ZCCHC24: variants seen among roughly 807,000 people sequenced by gnomAD.
ZCCHC24 encodes zinc finger CCHC domain-containing protein 24.
In ZCCHC24, 10 loss-of-function variants were observed where a neutral mutation model predicts 26.2. That is an observed-to-expected ratio of 0.38 (90% CI 0.24 to 0.65). The LOEUF is 0.65. ZCCHC24 is among the 30% of genes least tolerant of loss of function. The pLI is 0.54. For synonymous variants in ZCCHC24, 144 were observed against 147.1 expected (o/e 0.98, Z 0.15); for missense variants, 243 against 329.1 (o/e 0.74, Z 2.03).
chr10:79,412,387 G>A (rs1030506909), intron 2 of ZCCHC24, among the ~76,000 whole-genome samples: 4 of 152,236 alleles, frequency 2.6e-5, no homozygotes, highest in African/African-American at 9.6e-5. Flanking sequence ...GGTGAGGGGC[G>A]GACATGCCCG....
At chr10:79,435,714 G>GT (rs1857207096) in intron 1 of ZCCHC24, among the ~76,000 whole-genome samples, 1 of 152,254 alleles carries the variant, frequency 6.6e-6, no homozygotes, top group Admixed American at 6.5e-5. Context: ...GGGGCACAGG[G>GT]ACGCAGACCA....
chr10:79,423,019 A>G (rs1174236874), intron 2 of ZCCHC24, among the ~76,000 whole-genome samples: 1 of 152,186 alleles, frequency 6.6e-6, no homozygotes, highest in Non-Finnish European at 1.5e-5. Context: ...TTTGACCTCA[A>G]CAAGATATCA....
intron 2 of ZCCHC24, among the ~76,000 whole-genome samples, chr10:79,426,630 A>G (rs185135348): frequency 6.6e-6 from 1 of 152,364 alleles, no homozygotes; most frequent in East Asian, 1.9e-4. Context: ...CTGGTAAGAC[A>G]CAATGTATAA....
chr10:79,436,519 A>G (rs2132222194), intron 1 of ZCCHC24, among the ~76,000 whole-genome samples: 1 of 152,334 alleles, frequency 6.6e-6, no homozygotes, highest in South Asian at 2.1e-4. Flanking sequence ...CGCAGGGATC[A>G]TGGCGCAGCC....
At chr10:79,415,999 G>C (rs770122883) in intron 2 of ZCCHC24, among the ~76,000 whole-genome samples, 4 of 152,336 alleles carry the variant, frequency 2.6e-5, no homozygotes, top group Non-Finnish European at 5.9e-5. Flanking sequence ...CAGCAGGACT[G>C]GGGTGGAGCC....
chr10:79,432,570 C>A lies in ZCCHC24; in HGVS notation c.435G>T (p.Lys145Asn). 6.3e-7 allele frequency: 1 copy of A among 1,598,686 alleles called. No homozygotes were observed. The highest frequency in any genetic ancestry group is 1.1e-5 in the South Asian group (1 of 89,416). Residue 145 changes from lysine to asparagine, a missense_variant, in exon 2 of 4, where the codon AAG (lysine) becomes AAT (asparagine). Coordinates refer to ENST00000372336, the MANE Select transcript of ZCCHC24 (RefSeq NM_153367.4). ...HLCFNKGHYIKDCPQARPKGE... is the reference protein window; with the variant it reads ...HLCFNKGHYINDCPQARPKGE... ...AGGGCTGCCTTACCTGGGGGCAGTC[C>A]TTGATGTAGTGTCCTTTGTTGAAGC...
intron 2 of ZCCHC24, among the ~76,000 whole-genome samples, chr10:79,420,192 C>T (rs60162119): frequency 0.069 from 10,482 of 152,102 alleles, 1,068 homozygotes; most frequent in African/African-American, 0.23. Flanking sequence ...AGCTGTGCAT[C>T]GCCCCTCCTC....
chr10:79,435,041 G>A (rs1857196755), intron 1 of ZCCHC24, among the ~76,000 whole-genome samples: 1 of 151,778 alleles, frequency 6.6e-6, no homozygotes, highest in Non-Finnish European at 1.5e-5. Flanking sequence ...CCCCACACCA[G>A]AAGGCCCCCT....
chr10:79,413,779 TGAGAGAGA>T (rs35633486), intron 2 of ZCCHC24, among the ~76,000 whole-genome samples: 1 of 146,672 alleles, frequency 6.8e-6, no homozygotes, highest in Non-Finnish European at 1.5e-5. Flanking sequence ...TGTGTGTGTG[TGAGAGAGA>T]GAGAGAGAGA....
At chr10:79,420,664 A>G (rs1333763311) in intron 2 of ZCCHC24, among the ~76,000 whole-genome samples, 2 of 152,148 alleles carry the variant, frequency 1.3e-5, no homozygotes, top group Non-Finnish European at 2.9e-5. Context: ...CTATAGTTCC[A>G]GCTACTCAGG....
chr10:79,407,548 T>G (rs1014417807), intron 2 of ZCCHC24, among the ~76,000 whole-genome samples: 1 of 151,250 alleles, frequency 6.6e-6, no homozygotes, highest in Non-Finnish European at 1.5e-5. Context: ...AGAACCAGAG[T>G]CTCAAATGCC....
chr10:79,401,685 G>A (rs1856634727), intron 2 of ZCCHC24, among the ~76,000 whole-genome samples: 2 of 152,224 alleles, frequency 1.3e-5, no homozygotes, highest in Non-Finnish European at 2.9e-5. Flanking sequence ...TGGACTGACT[G>A]CTGGGCAGGG....
intron 2 of ZCCHC24, among the ~76,000 whole-genome samples, chr10:79,405,615 C>T (rs1017310106): frequency 2.6e-5 from 4 of 152,228 alleles, no homozygotes; most frequent in African/African-American, 9.6e-5. Flanking sequence ...TGAAGGCGTC[C>T]CTGGCAAGGC....
At chr10:79,413,403 T>C (rs1856817235) in intron 2 of ZCCHC24, among the ~76,000 whole-genome samples, 1 of 152,184 alleles carries the variant, frequency 6.6e-6, no homozygotes, top group African/African-American at 2.4e-5. Flanking sequence ...GCACCCGTCC[T>C]GGGGGAGTGG....
At chr10:79,389,224 G>A (rs975349288) in intron 3 of ZCCHC24, among the ~76,000 whole-genome samples, 8 of 152,244 alleles carry the variant, frequency 5.3e-5, no homozygotes, top group Non-Finnish European at 7.3e-5. Flanking sequence ...TCTGCCTTCT[G>A]AGTCTTCATC....
At chr10:79,390,721 C>A (rs966536707) in intron 3 of ZCCHC24, among the ~76,000 whole-genome samples, 2 of 152,222 alleles carry the variant, frequency 1.3e-5, no homozygotes, top group African/African-American at 2.4e-5. Flanking sequence ...CCACTCCCTG[C>A]AGCAAGGCAA....
intron 2 of ZCCHC24, among the ~76,000 whole-genome samples, chr10:79,407,775 G>T (rs548368910): frequency 6.6e-6 from 1 of 152,236 alleles, no homozygotes; most frequent in Non-Finnish European, 1.5e-5. Flanking sequence ...GGAGCGCAGG[G>T]CTCCTCACCC....
At chr10:79,430,956 C>T (rs1371648463) in intron 2 of ZCCHC24, among the ~76,000 whole-genome samples, 5 of 152,222 alleles carry the variant, frequency 3.3e-5, no homozygotes, top group Non-Finnish European at 7.3e-5. Flanking sequence ...TGAGTCCCTT[C>T]CTCCCTCGAA....
At chr10:79,430,535 A>G (rs140512176) in intron 2 of ZCCHC24, among the ~76,000 whole-genome samples, 10 of 152,202 alleles carry the variant, frequency 6.6e-5, no homozygotes, top group African/African-American at 1.9e-4. Context: ...TAAGAGTCCA[A>G]TATGAGATGA....
Sources: gnomAD v4.1 joint callset for allele counts (sites outside exome capture counted in the v4.1 genomes callset) on GRCh38, gnomAD v4.1.1 for gene constraint, MANE v1.5 for transcripts, NCBI Gene and HGNC (gene_info 2026-07-23, HGNC 2026-07-21) for gene names.